TTC22: variants seen among roughly 807,000 people sequenced by gnomAD.
TTC22 encodes the protein tetratricopeptide repeat protein 22.
In TTC22, 42 loss-of-function variants were observed where a neutral mutation model predicts 48.2. That is an observed-to-expected ratio of 0.87 (90% CI 0.68 to 1.13). TTC22 has a LOEUF of 1.13. Among genes scored for constraint, TTC22 ranks in the 50% most tolerant of loss-of-function variants. The pLI, the probability that TTC22 is intolerant of heterozygous loss-of-function variation, is 0.00. For synonymous variants in TTC22, 345 were observed against 365.5 expected, an observed-to-expected ratio of 0.94 and a Z score of 0.64; for missense variants, 784 against 807.0, an observed-to-expected ratio of 0.97 and a Z score of 0.34.
chr1:54,796,512 G>A (rs911693952), intron 1 of TTC22, among the ~76,000 whole-genome samples: 3 of 152,216 alleles, frequency 2.0e-5, no homozygotes, highest in East Asian at 1.9e-4. Flanking sequence ...AATTAAATGC[G>A]CAAAGGCAGG....
intron 5 of TTC22, chr1:54,785,477 G>T (rs2101444366): frequency 2.4e-6 from 1 of 417,610 alleles, no homozygotes; most frequent in African/African-American, 2.1e-5. Flanking sequence ...TTGTAGAAGG[G>T]ATTCCTGCAG....
At chr1:54,797,476 C>T (rs1156288327) in intron 1 of TTC22, among the ~76,000 whole-genome samples, 1 of 152,174 alleles carries the variant, frequency 6.6e-6, no homozygotes, top group Non-Finnish European at 1.5e-5. Context: ...TGGTGAAACC[C>T]AGTCTCTACA....
At position 54,782,278 on chromosome 1, in the gene TTC22, A is replaced by G. The variant is rs1235583074; in HGVS notation, c.1173+47T>C. The G allele has an allele frequency of 2.0e-6, 3 of 1,477,542 alleles. No individual in the cohort carries two copies. In the African/African-American group the frequency reaches 4.2e-5, roughly 21 times the overall value. The allele number at this position is 1,477,542 out of a possible 1,614,324, so 91.5% of individuals were successfully genotyped here. A position where few individuals can be genotyped will look rare whatever the true frequency, so the allele number is the denominator to read the frequency against. On this transcript the variant is annotated intron_variant, in intron 6 of 6. Transcript: ENST00000371276. ...CCCTTGGTCTAGCCTGGCAAGGAGTAAACAGATTCTTGCTCAGCTATTGGC... is the reference window on the plus strand; with the variant it reads ...CCCTTGGTCTAGCCTGGCAAGGAGTGAACAGATTCTTGCTCAGCTATTGGC...
intron 5 of TTC22, chr1:54,785,495 A>G: frequency 2.3e-6 from 1 of 440,402 alleles, no homozygotes; most frequent in East Asian, 7.3e-5. Flanking sequence ...CAGTGAGTGG[A>G]GGCTCCTGCA....
intron 1 of TTC22, among the ~76,000 whole-genome samples, chr1:54,797,602 C>T (rs1313346380): frequency 1.3e-5 from 2 of 151,986 alleles, no homozygotes; most frequent in South Asian, 2.1e-4. Flanking sequence ...GAGCCGAGAT[C>T]GTGCCATTGC....
intron 1 of TTC22, among the ~76,000 whole-genome samples, chr1:54,794,433 T>G (rs1185349): frequency 0.75 from 114,760 of 152,078 alleles, 43,468 homozygotes; most frequent in South Asian, 0.82. Flanking sequence ...GTTATTCCAA[T>G]AGAAGATCTT....
chr1:54,796,959 T>A (rs1646396362), intron 1 of TTC22, among the ~76,000 whole-genome samples: 1 of 152,216 alleles, frequency 6.6e-6, no homozygotes, highest in South Asian at 2.1e-4. Context: ...AAGGCTCTAT[T>A]GAAGAGCAGT....
intron 1 of TTC22, among the ~76,000 whole-genome samples, chr1:54,788,636 G>A (rs557395214): frequency 2.6e-5 from 4 of 152,236 alleles, no homozygotes; most frequent in East Asian, 1.9e-4. Flanking sequence ...CTCCAGCTTC[G>A]GGAAGGAATT....
intron 1 of TTC22, 128 bp from the exon 2 acceptor site, chr1:54,788,225 C>A: frequency 1.2e-6 from 1 of 862,612 alleles, no homozygotes. Context: ...CCTTAAACAC[C>A]TTTGATTACA....
intron 4 of TTC22, 120 bp from the exon 5 acceptor site, chr1:54,786,264 T>C: frequency 1.1e-6 from 1 of 919,886 alleles, no homozygotes; most frequent in Non-Finnish European, 1.7e-6. Flanking sequence ...ATGGTGCCCT[T>C]TACCCATATC....
chr1:54,788,378 GCCC>G (rs775830289), intron 1 of TTC22, among the ~76,000 whole-genome samples: 1 of 151,296 alleles, frequency 6.6e-6, no homozygotes, highest in African/African-American at 2.4e-5. Context: ...CCCGCCACAG[GCCC>G]CCCAACCCCA....
chr1:54,787,182 T>C (rs1419820734), intron 3 of TTC22, 107 bp from the exon 4 acceptor site: 2 of 591,000 alleles, frequency 3.4e-6, no homozygotes, highest in Non-Finnish European at 5.8e-6. Flanking sequence ...CAAGGGATAG[T>C]AGAGTGGGAT....
At position 54,800,937 on chromosome 1, in the gene TTC22, G is replaced by A. The variant is rs1346878954; in HGVS notation, c.227C>T (p.Ala76Val). The A allele has an allele frequency of 1.9e-6, 3 of 1,608,234 alleles. No homozygotes were observed. Among genetic ancestry groups the A allele is most frequent in the Non-Finnish European group, 8.5e-7 (1 of 1,179,036 alleles). The stretch of plus-strand genomic sequence containing the variant: ...CTCGTCCAGCTCCTCCAGGTAGAAT[G>A]CGAAAGCGCCCAGGAGGTGACGCAC... The part of the protein sequence containing the change: ...PAVRHLLGAF[A>V]FYLEELDEAR... Residue 76 changes from alanine (A) to valine (V), a missense_variant, in exon 1 of 7, where the codon GCA becomes GTA. Ala to Val is a moderately conservative substitution (Grantham distance 64). Transcript: ENST00000371276.
Position 54,800,837 on chromosome 1 carries a change from C to G in TTC22, c.327G>C (p.Val109=). The change falls in exon 1 of 7, where the codon GTG becomes GTC. Residue 109 remains valine (V), a synonymous_variant. Transcript: ENST00000371276. ...CTTCTTCCTGGCCCAGCCGCCCGTA[C>G]ACGTGTGCCAGATTGGCCCAGGCAT... The part of the protein sequence containing the change: ...NLNAWANLAH[V]YGRLGQEEEE... 1 of 1,607,122 alleles carries G rather than the reference C, an allele frequency of 6.2e-7. No individual in the cohort carries two copies. Among genetic ancestry groups the G allele is most frequent in the Non-Finnish European group, 8.5e-7 (1 of 1,177,806 alleles).
Position 54,785,980 on chromosome 1 carries a change from C to T in TTC22, c.1020+3G>A, listed in dbSNP as rs781060586. Reference sequence around the variant, plus strand: ...GGTATGGTGGGGCAGGAAGTTGACCCACCTTGGCCCTTGTGCAGTACGCCT... The same window carrying T: ...GGTATGGTGGGGCAGGAAGTTGACCTACCTTGGCCCTTGTGCAGTACGCCT... On this transcript the variant is annotated splice_donor_region_variant and intron_variant, in intron 5 of 6. Coordinates refer to ENST00000371276, the MANE Select transcript of TTC22 (RefSeq NM_001114108.2). The T allele has an allele frequency of 6.2e-7, 1 of 1,610,360 alleles. No homozygotes were observed. Among genetic ancestry groups the T allele is most frequent in the Non-Finnish European group, 8.5e-7 (1 of 1,178,286 alleles).
chr1:54,781,843 C>T (rs1646265939), intron 6 of TTC22, 64 bp from the exon 7 acceptor site: 2 of 1,355,062 alleles, frequency 1.5e-6, no homozygotes, highest in Admixed American at 3.6e-5. Context: ...ATTCCCGCCC[C>T]ACGCTTGCTT....
At chr1:54,788,817 C>A (rs1272033145) in intron 1 of TTC22, among the ~76,000 whole-genome samples, 9 of 152,096 alleles carry the variant, frequency 5.9e-5, no homozygotes, top group African/African-American at 2.2e-4. Context: ...ATCTCTCTAC[C>A]CCCGTCCCCA....
chr1:54,782,414 C>G lies in TTC22; in HGVS notation c.1084G>C (p.Asp362His). Residue 362 changes from aspartate (D) to histidine (H), a missense_variant, in exon 6 of 7, where the codon GAC becomes CAC. Coordinates refer to ENST00000371276, the MANE Select transcript of TTC22 (RefSeq NM_001114108.2). Reference sequence around the variant, plus strand: ...TTGGCACAGGCCAGGTGGTTCCTGTCAGGCATGCCCCCGAGACCCATCTTG... The same window carrying G: ...TTGGCACAGGCCAGGTGGTTCCTGTGAGGCATGCCCCCGAGACCCATCTTG... ...RAKMGLGGMPDRNHLACAKAD... is the reference protein window; with the variant it reads ...RAKMGLGGMPHRNHLACAKAD... The G allele has an allele frequency of 6.4e-7, 1 of 1,551,564 alleles. No homozygotes were observed. Among genetic ancestry groups the G allele is most frequent in the Non-Finnish European group, 8.7e-7 (1 of 1,146,938 alleles).
At chr1:54,783,936 AG>A (rs766113602) in intron 5 of TTC22, among the ~76,000 whole-genome samples, 2 of 152,222 alleles carry the variant, frequency 1.3e-5, no homozygotes, top group Non-Finnish European at 2.9e-5. Flanking sequence ...CAGGAGTTCA[AG>A]GCTGCAGTGG....
Sources: allele counts gnomAD v4.1 joint callset (sites outside exome capture counted in the v4.1 genomes callset), GRCh38; gene constraint gnomAD v4.1.1; transcripts MANE v1.5; gene names NCBI Gene and HGNC (gene_info 2026-07-23, HGNC 2026-07-21).